The following DMC1 variants were observed in gnomAD, a reference collection of about 807,000 sequenced individuals.
The protein encoded by DMC1 is meiotic recombination protein DMC1 homolog.
A neutral mutation model predicts 50.1 loss-of-function variants in DMC1; 27 were observed. The ratio of observed to expected loss-of-function variants is 0.54; its 90% CI spans 0.40 to 0.74. The LOEUF is 0.74. Ranked by LOEUF, DMC1 falls within the 30% of genes least tolerant of loss-of-function variation. The pLI, the probability that DMC1 is intolerant of heterozygous loss-of-function variation, is 0.00. For missense variants in DMC1, 295 were observed against 420.2 expected (o/e 0.70, Z 2.60); for synonymous variants, 148 against 136.1 (o/e 1.09, Z -0.61).
At chr22:38,569,016 T>C (rs1434128464) in intron 1 of DMC1, among the ~76,000 whole-genome samples, 1 of 151,914 alleles carries the variant, frequency 6.6e-6, no homozygotes. Context: ...TCCCCGTCTC[T>C]ACTAAAAATA....
chr22:38,516,137 G>A (rs1277984039), downstream of DMC1, among the ~76,000 whole-genome samples: 1 of 152,148 alleles, frequency 6.6e-6, no homozygotes, highest in Non-Finnish European at 1.5e-5. Context: ...TTTTCCTGCT[G>A]GCCCAGATAC....
In DMC1 at chr22:38,546,375, G is replaced by A. The variant is rs185352154; in HGVS notation, c.494+3550C>T. Among the ~76,000 whole-genome samples, 392 of 151,970 alleles carry A rather than the reference G, an allele frequency of 2.6e-3. 1 individual carries two copies. The highest frequency in any genetic ancestry group is 9.1e-3 in the African/African-American group (377 of 41,444). On this transcript the variant is annotated intron_variant, in intron 8 of 13. Transcript: ENST00000216024. ...TTGCACTCCAGCCTGGGCAACAAGA[G>A]TGAAACTCCATCTCGAAAAAAAAAA...
At chr22:38,559,991 C>T (rs757993946) in intron 5 of DMC1, among the ~76,000 whole-genome samples, 8 of 151,122 alleles carry the variant, frequency 5.3e-5, no homozygotes, top group Non-Finnish European at 1.0e-4. Context: ...GCACTCCAGC[C>T]TGGGTGACAG....
intron 5 of DMC1, among the ~76,000 whole-genome samples, chr22:38,559,756 C>T (rs1278756651): frequency 1.3e-5 from 2 of 152,090 alleles, no homozygotes; most frequent in African/African-American, 4.8e-5. Context: ...GCCGGTAGCT[C>T]ACACCTGTAA....
At chr22:38,542,786 T>C (rs2090299526) in intron 8 of DMC1, among the ~76,000 whole-genome samples, 1 of 152,134 alleles carries the variant, frequency 6.6e-6, no homozygotes, top group African/African-American at 2.4e-5. Flanking sequence ...AGGAACCACA[T>C]AACCTGACTT....
intron 11 of DMC1, among the ~76,000 whole-genome samples, chr22:38,538,063 G>T (rs2090235230): frequency 6.6e-6 from 1 of 152,006 alleles, no homozygotes. Context: ...AGAATTGCTT[G>T]AACCTGGGAG....
intron 8 of DMC1, among the ~76,000 whole-genome samples, chr22:38,547,719 A>G (rs2090358913): frequency 6.6e-6 from 1 of 152,122 alleles, no homozygotes; most frequent in African/African-American, 2.4e-5. Context: ...TTGTATTTTT[A>G]GTAGAGACAG....
chr22:38,537,644 C>T lies in DMC1; in HGVS notation c.784G>A (p.Val262Met), dbSNP rs1465071842. ...ATTTGATTGGTCACAAAAACAGCCA[C>T]GTTATATTCTGCATCAAGAGATAAA... is the stretch of plus-strand genomic sequence containing the variant. ...RLQKISEEYN[V>M]AVFVTNQMTA... Residue 262 changes from valine to methionine, a missense_variant, in exon 12 of 14, where the codon GTG (valine) becomes ATG (methionine). Coordinates refer to ENST00000216024, the MANE Select transcript of DMC1 (RefSeq NM_007068.4). The T allele has an allele frequency of 1.9e-5, 30 of 1,613,316 alleles. No individual in the cohort carries two copies. The highest frequency in any genetic ancestry group is 2.2e-5 in the East Asian group (1 of 44,884).
intron 12 of DMC1, among the ~76,000 whole-genome samples, chr22:38,532,126 C>T (rs927548001): frequency 2.0e-5 from 3 of 152,058 alleles, no homozygotes; most frequent in African/African-American, 4.8e-5. Flanking sequence ...CTTTTTAAAA[C>T]GAGCCTTAAA....
chr22:38,569,431 C>T (rs193236147), intron 1 of DMC1: 1 of 152,254 alleles, frequency 6.6e-6, no homozygotes, highest in Admixed American at 6.5e-5. Context: ...AAGGCAGGAG[C>T]AGGGTCCTAC....
chr22:38,524,915 G>A (rs1400777328), intron 12 of DMC1, among the ~76,000 whole-genome samples: 1 of 152,068 alleles, frequency 6.6e-6, no homozygotes, highest in Non-Finnish European at 1.5e-5. Context: ...TACAAAATTA[G>A]CCGGGTGTGG....
chr22:38,567,583 A>G lies in DMC1; in HGVS notation c.96T>C (p.Ile32=). 1 of 1,605,852 alleles carries G rather than the reference A, an allele frequency of 6.2e-7. No individual in the cohort carries two copies. The highest frequency in any genetic ancestry group is 8.5e-7 in the Non-Finnish European group (1 of 1,172,476). ...AACACAGCATTGAAAAACTACTTAC[A>G]ATTCCATGTTTCTGTAACAGGTCAA... ...QDIDLLQKHG[I]NVADIKKLKS... is the part of the protein sequence containing the mutation. The change falls in exon 3 of 14, where the codon ATT becomes ATC. Residue 32 remains isoleucine (I), a splice_region_variant and synonymous_variant. Coordinates refer to ENST00000216024, the MANE Select transcript of DMC1 (RefSeq NM_007068.4).
intron 8 of DMC1, chr22:38,546,027 C>T (rs2090340394): frequency 6.6e-6 from 1 of 152,354 alleles, no homozygotes; most frequent in Non-Finnish European, 1.5e-5. Flanking sequence ...TGCACCCCCA[C>T]CCAGCTGTTC....
downstream of DMC1, among the ~76,000 whole-genome samples, chr22:38,516,154 A>C (rs2089975259): frequency 6.6e-6 from 1 of 152,114 alleles, no homozygotes; most frequent in African/African-American, 2.4e-5. Flanking sequence ...ATACCTGCAT[A>C]ATCTGCAGTT....
At chr22:38,563,813 A>G (rs948927848) in intron 4 of DMC1, among the ~76,000 whole-genome samples, 6 of 150,898 alleles carry the variant, frequency 4.0e-5, no homozygotes, top group African/African-American at 1.5e-4. Flanking sequence ...CATTCTCCTG[A>G]CTCAGCCTCC....
chr22:38,531,617 T>C (rs1308255343), intron 12 of DMC1, among the ~76,000 whole-genome samples: 1 of 152,178 alleles, frequency 6.6e-6, no homozygotes, highest in African/African-American at 2.4e-5. Flanking sequence ...GTGGCAACTT[T>C]TGTGCTTTAT....
intron 12 of DMC1, among the ~76,000 whole-genome samples, chr22:38,524,629 C>T (rs1338385156): frequency 6.6e-6 from 1 of 152,034 alleles, no homozygotes; most frequent in East Asian, 1.9e-4. Flanking sequence ...GCACACATTA[C>T]TCCCTCTGAA....
intron 1 of DMC1, among the ~76,000 whole-genome samples, chr22:38,569,791 C>T (rs977417128): frequency 6.6e-6 from 1 of 152,190 alleles, no homozygotes; most frequent in Admixed American, 6.5e-5. Flanking sequence ...CCTGCGGCCG[C>T]CGGACATTTT....
chr22:38,554,718 T>A (rs768880478), intron 6 of DMC1, among the ~76,000 whole-genome samples: 3 of 151,958 alleles, frequency 2.0e-5, no homozygotes, highest in African/African-American at 7.3e-5. Flanking sequence ...GAAGAGGGAA[T>A]CTAGTCTCTA....
Sources: allele counts gnomAD v4.1 joint callset (sites outside exome capture counted in the v4.1 genomes callset), GRCh38; gene constraint gnomAD v4.1.1; transcripts MANE v1.5; gene names NCBI Gene and HGNC (gene_info 2026-07-23, HGNC 2026-07-21).